GABRG3: variants seen among roughly 807,000 people sequenced by gnomAD.
The protein encoded by GABRG3 is gamma-aminobutyric acid type A receptor subunit gamma3, also known as gamma-aminobutyric acid receptor subunit gamma-3.
Under a neutral mutation model 48.8 loss-of-function variants are expected in GABRG3, and 25 were observed. The ratio of observed to expected loss-of-function variants is 0.51; its 90% CI spans 0.37 to 0.72. GABRG3 has a LOEUF of 0.72. Ranked by LOEUF, GABRG3 falls within the 30% of genes least tolerant of loss-of-function variation. GABRG3 has a pLI of 0.00. For missense variants in GABRG3, 394 were observed against 577.9 expected (o/e 0.68, Z 3.26); for synonymous variants, 227 against 217.6 (o/e 1.04, Z -0.38).
chr15:27,308,493 CAT>C lies in GABRG3; in HGVS notation c.271-18315_271-18314del, dbSNP rs1176869486. ...TATATAAACATATAATGTAAACATA[CAT>C]GTTTTATATAAACATAATGTAAACA... On this transcript the variant is annotated intron_variant, in intron 3 of 9. Transcript: ENST00000615808. 2.7e-5 allele frequency among the ~76,000 whole-genome samples: 4 copies of C among 147,100 alleles called. No individual in the cohort carries two copies. The East Asian group carries it at 8.4e-4, about 31-fold the overall frequency.
chr15:27,328,117 A>AAAC (rs1370729869), intron 4 of GABRG3, among the ~76,000 whole-genome samples: 3 of 122,430 alleles, frequency 2.5e-5, no homozygotes, highest in African/African-American at 1.4e-4. Flanking sequence ...ACAAACAAAC[A>AAAC]AAAAAAAAAA....
At chr15:27,112,349 C>A (rs1448261654) in intron 3 of GABRG3, among the ~76,000 whole-genome samples, 1 of 151,994 alleles carries the variant, frequency 6.6e-6, no homozygotes, top group Non-Finnish European at 1.5e-5. Flanking sequence ...TCCTAGCTCT[C>A]AATATATGTA....
At chr15:27,079,369 T>G (rs1479573343) in intron 3 of GABRG3, among the ~76,000 whole-genome samples, 1 of 152,136 alleles carries the variant, frequency 6.6e-6, no homozygotes. Flanking sequence ...TTTTAAAAAT[T>G]AAGTATAATA....
At chr15:27,317,541 A>G (rs1893272832) in intron 3 of GABRG3, among the ~76,000 whole-genome samples, 1 of 152,184 alleles carries the variant, frequency 6.6e-6, no homozygotes, top group African/African-American at 2.4e-5. Flanking sequence ...TAGGAGGCCC[A>G]TCCTCATCTT....
intron 3 of GABRG3, among the ~76,000 whole-genome samples, chr15:27,086,980 T>A (rs1366867810): frequency 1.3e-5 from 2 of 152,138 alleles, no homozygotes; most frequent in African/African-American, 4.8e-5. Flanking sequence ...TTCCAGAAAG[T>A]GTCTGCAGGC....
intron 5 of GABRG3, among the ~76,000 whole-genome samples, chr15:27,369,806 C>CAAAAAAAAAAAAAAAAAAAAAA (rs34901488): frequency 1.3e-4 from 4 of 30,272 alleles, no homozygotes; most frequent in African/African-American, 3.6e-4. Context: ...GACTCCGTCT[C>CAAAAAAAAAAAAAAAAAAAAAA]AAAAAAAAAA....
intron 3 of GABRG3, among the ~76,000 whole-genome samples, chr15:27,114,022 A>T (rs957100499): frequency 2.0e-5 from 3 of 152,252 alleles, no homozygotes; most frequent in Non-Finnish European, 2.9e-5. Flanking sequence ...CATTGTGCTT[A>T]TTCTTACTAA....
intron 3 of GABRG3, among the ~76,000 whole-genome samples, chr15:27,244,552 T>G (rs867900537): frequency 2.0e-5 from 3 of 152,254 alleles, no homozygotes; most frequent in Non-Finnish European, 2.9e-5. Context: ...GCTGCACATG[T>G]GTATTGAATA....
At chr15:27,241,276 C>A (rs185769708) in intron 3 of GABRG3, among the ~76,000 whole-genome samples, 70 of 152,286 alleles carry the variant, frequency 4.6e-4, no homozygotes, top group Non-Finnish European at 6.6e-4. Context: ...GAATGGGAAA[C>A]CTGTATCTCT....
intron 6 of GABRG3, among the ~76,000 whole-genome samples, chr15:27,492,520 T>C (rs2150849997): frequency 6.6e-6 from 1 of 152,340 alleles, no homozygotes; most frequent in South Asian, 2.1e-4. Context: ...CTGGAAGCCC[T>C]GTCCCAGCCT....
chr15:27,092,019 A>G (rs189828248), intron 3 of GABRG3, among the ~76,000 whole-genome samples: 1 of 152,244 alleles, frequency 6.6e-6, no homozygotes, highest in African/African-American at 2.4e-5. Context: ...CTGCTCCACC[A>G]CTTTTGCTGA....
chr15:27,253,090 C>T (rs559822557), intron 3 of GABRG3, among the ~76,000 whole-genome samples: 14 of 152,196 alleles, frequency 9.2e-5, no homozygotes, highest in Admixed American at 1.3e-4. Flanking sequence ...GCTCACAGAA[C>T]GAACACGGAA....
intron 5 of GABRG3, among the ~76,000 whole-genome samples, chr15:27,416,134 C>T (rs1194141704): frequency 6.6e-6 from 1 of 152,216 alleles, no homozygotes; most frequent in African/African-American, 2.4e-5. Flanking sequence ...TTTTGGCTTA[C>T]ATGTCAAACT....
intron 2 of GABRG3, among the ~76,000 whole-genome samples, chr15:27,016,888 C>T (rs1330001314): frequency 6.6e-6 from 1 of 152,046 alleles, no homozygotes; most frequent in Non-Finnish European, 1.5e-5. Flanking sequence ...GAGTAGTTCT[C>T]GTGAATTTTT....
intron 6 of GABRG3, among the ~76,000 whole-genome samples, chr15:27,485,324 C>T (rs1319585183): frequency 6.6e-6 from 1 of 152,150 alleles, no homozygotes; most frequent in Non-Finnish European, 1.5e-5. Context: ...GGCAAATGGA[C>T]TCTATACTCC....
chr15:27,450,349 A>G (rs1332692298), intron 5 of GABRG3, among the ~76,000 whole-genome samples: 1 of 152,192 alleles, frequency 6.6e-6, no homozygotes, highest in Non-Finnish European at 1.5e-5. Flanking sequence ...ACAGCACCTT[A>G]AAGAGATCGT....
At chr15:27,202,546 A>AAT (rs1423230974) in intron 3 of GABRG3, among the ~76,000 whole-genome samples, 1 of 152,170 alleles carries the variant, frequency 6.6e-6, no homozygotes, top group Non-Finnish European at 1.5e-5. Flanking sequence ...GCACTGTATA[A>AAT]ATGTGACCAT....
intron 3 of GABRG3, among the ~76,000 whole-genome samples, chr15:27,222,687 A>C (rs1889490007): frequency 7.1e-6 from 1 of 141,284 alleles, no homozygotes; most frequent in African/African-American, 3.0e-5. Flanking sequence ...GACCTTAAGA[A>C]GTCTTGGAGT....
At chr15:27,274,778 A>G (rs1274765865) in intron 3 of GABRG3, among the ~76,000 whole-genome samples, 2 of 152,218 alleles carry the variant, frequency 1.3e-5, no homozygotes, top group African/African-American at 4.8e-5. Flanking sequence ...TGCTTTGCTT[A>G]CTTTTAATGC....
Sources: gnomAD v4.1 joint callset for allele counts (sites outside exome capture counted in the v4.1 genomes callset) on GRCh38, gnomAD v4.1.1 for gene constraint, MANE v1.5 for transcripts, NCBI Gene and HGNC (gene_info 2026-07-23, HGNC 2026-07-21) for gene names.